DCP1A: variants seen among roughly 807,000 people sequenced by gnomAD.
DCP1A encodes decapping mRNA 1A, also known as mRNA-decapping enzyme 1A.
In DCP1A, 20 loss-of-function variants were observed where a neutral mutation model predicts 58.0. The observed-to-expected ratio is 0.34, with a 90% confidence interval of 0.24 to 0.50. The LOEUF is 0.50. Among genes scored for constraint, DCP1A ranks in the 20% least tolerant of loss-of-function variants. DCP1A has a pLI of 0.98. For synonymous variants in DCP1A, 285 were observed against 275.1 expected (o/e 1.04, Z -0.36); for missense variants, 613 against 712.2 (o/e 0.86, Z 1.59).
At chr3:53,337,267 G>A (rs1344846559) in intron 3 of DCP1A, among the ~76,000 whole-genome samples, 1 of 152,168 alleles carries the variant, frequency 6.6e-6, no homozygotes, top group African/African-American at 2.4e-5. Context: ...CTTGTAAAGA[G>A]ACACAAAGAG....
intron 3 of DCP1A, among the ~76,000 whole-genome samples, chr3:53,322,653 G>A (rs1708002007): frequency 1.3e-5 from 2 of 151,712 alleles, no homozygotes; most frequent in Non-Finnish European, 2.9e-5. Context: ...TCTCAGGCAG[G>A]GAAAAACCTC....
chr3:53,297,307 A>G (rs568005656), intron 6 of DCP1A, among the ~76,000 whole-genome samples: 1 of 152,190 alleles, frequency 6.6e-6, no homozygotes, highest in African/African-American at 2.4e-5. Context: ...TTAGAAAACA[A>G]ATGGGTCAGG....
chr3:53,344,827 A>G, intron 2 of DCP1A, 75 bp downstream of exon 2: 1 of 1,140,120 alleles, frequency 8.8e-7, no homozygotes, highest in Non-Finnish European at 1.3e-6. Context: ...AGACAAATGT[A>G]CAAGAGAATT....
chr3:53,331,287 T>C (rs886089729), intron 3 of DCP1A, among the ~76,000 whole-genome samples: 3 of 152,230 alleles, frequency 2.0e-5, no homozygotes, highest in African/African-American at 7.2e-5. Flanking sequence ...CTGTAGACTG[T>C]CTAGCTGTAA....
intron 3 of DCP1A, among the ~76,000 whole-genome samples, chr3:53,323,861 CAAAA>C (rs11451581): frequency 1.4e-5 from 1 of 72,796 alleles, no homozygotes. Context: ...GACTCTGTCT[CAAAA>C]AAAAAAAAAA....
chr3:53,289,667 T>G (rs565752552), intron 8 of DCP1A, among the ~76,000 whole-genome samples: 1 of 151,880 alleles, frequency 6.6e-6, no homozygotes, highest in Non-Finnish European at 1.5e-5. Flanking sequence ...CTATTATAGA[T>G]AGCAATGAGA....
chr3:53,306,770 C>CAAA (rs1169051475), intron 5 of DCP1A, among the ~76,000 whole-genome samples: 13 of 34,592 alleles, frequency 3.8e-4, no homozygotes, highest in South Asian at 1.2e-3. Context: ...GACTCCGTCT[C>CAAA]AAAAAAAAAA....
intron 3 of DCP1A, among the ~76,000 whole-genome samples, chr3:53,335,908 T>C (rs1331931569): frequency 6.6e-6 from 1 of 152,040 alleles, no homozygotes; most frequent in Non-Finnish European, 1.5e-5. Flanking sequence ...CACTGCAGCC[T>C]CAACCTCGCG....
At chr3:53,290,608 AAAT>A in intron 8 of DCP1A, 180 bp downstream of exon 8, 1 of 672,836 alleles carries the variant, frequency 1.5e-6, no homozygotes, top group Non-Finnish European at 2.6e-6. Context: ...CAGAACTTAA[AAAT>A]AATGTGTTCT....
intron 6 of DCP1A, among the ~76,000 whole-genome samples, chr3:53,298,087 G>A (rs1447307633): frequency 3.3e-5 from 5 of 152,160 alleles, no homozygotes; most frequent in Admixed American, 2.0e-4. Flanking sequence ...ACAAGGTGGT[G>A]TGCACCTGTG....
At chr3:53,347,319 C>A in intron 1 of DCP1A, 64 bp downstream of exon 1, 1 of 1,441,254 alleles carries the variant, frequency 6.9e-7, no homozygotes, top group Middle Eastern at 2.5e-4. Context: ...CACAGTAACC[C>A]GCGCGGCCCC....
chr3:53,330,670 T>C (rs1405780250), intron 3 of DCP1A, among the ~76,000 whole-genome samples: 1 of 152,072 alleles, frequency 6.6e-6, no homozygotes, highest in Non-Finnish European at 1.5e-5. Context: ...AAATTCTTTA[T>C]AAGCGCACAG....
intron 6 of DCP1A, among the ~76,000 whole-genome samples, chr3:53,298,354 A>G (rs1707198762): frequency 6.6e-6 from 1 of 152,226 alleles, no homozygotes; most frequent in Admixed American, 6.5e-5. Context: ...GGCCAGACAG[A>G]TTCTCTAACT....
intron 8 of DCP1A, among the ~76,000 whole-genome samples, chr3:53,290,181 T>C (rs923186722): frequency 6.6e-6 from 1 of 151,474 alleles, no homozygotes; most frequent in Non-Finnish European, 1.5e-5. Flanking sequence ...TAGTGGGTGA[T>C]GGAGAGTAGG....
At chr3:53,292,044 C>T in intron 7 of DCP1A, 25 bp downstream of exon 7, 1 of 1,251,780 alleles carries the variant, frequency 8.0e-7, no homozygotes, top group Non-Finnish European at 1.1e-6. Flanking sequence ...ACCCACTCTG[C>T]CCACCCCCAC....
rs146363878 is a variant in DCP1A at position 53,284,754 on chromosome 3, A to G, written c.*2826T>C. The G allele has an allele frequency of 6.6e-6, 1 of 151,926 alleles. No individual in the cohort carries two copies. Among genetic ancestry groups the G allele is most frequent in the African/African-American group, 2.4e-5 (1 of 41,404 alleles). 9.4% of individuals were successfully genotyped at this position (151,926 alleles called of 1,614,324 possible). On this transcript the variant is annotated 3_prime_UTR_variant, in exon 10 of 10. Transcript: ENST00000610213. ...GTTTCACCATGTTGGTCAGGCTGGG[A>G]CTTGGGTTCTTAATAAAATACCACT...
chr3:53,298,543 AATT>A (rs1239748860), intron 6 of DCP1A, among the ~76,000 whole-genome samples: 3 of 152,344 alleles, frequency 2.0e-5, no homozygotes, highest in Non-Finnish European at 2.9e-5. Context: ...AGAGTAGGTA[AATT>A]ATTATTGCTA....
intron 6 of DCP1A, among the ~76,000 whole-genome samples, chr3:53,293,292 C>T (rs782246970): frequency 3.9e-5 from 6 of 152,162 alleles, no homozygotes; most frequent in Non-Finnish European, 8.8e-5. Context: ...AGTGGGCCAT[C>T]CCCAACTCCC....
At chr3:53,324,022 G>A (rs1333607306) in intron 3 of DCP1A, among the ~76,000 whole-genome samples, 1 of 152,118 alleles carries the variant, frequency 6.6e-6, no homozygotes, top group African/African-American at 2.4e-5. Context: ...ATCAAAGTAA[G>A]TCCATCAAAG....
Sources: gnomAD v4.1 joint callset for allele counts (sites outside exome capture counted in the v4.1 genomes callset) on GRCh38, gnomAD v4.1.1 for gene constraint, MANE v1.5 for transcripts, NCBI Gene and HGNC (gene_info 2026-07-23, HGNC 2026-07-21) for gene names.